Variants in ESRRG observed in about 807,000 individuals in gnomAD.
ESRRG encodes the protein estrogen related receptor gamma.
ESRRG carries 13 observed loss-of-function variants against 44.0 expected under a neutral mutation model. The observed-to-expected ratio is 0.30, with a 90% CI of 0.19 to 0.47. The LOEUF (loss-of-function observed/expected upper bound fraction) is 0.47. Among genes scored for constraint, ESRRG ranks in the 20% least tolerant of loss-of-function variants. The pLI is 1.00. For synonymous variants in ESRRG, 215 were observed against 214.6 expected, an observed-to-expected ratio of 1.00 and a Z score of -0.02; for missense variants, 395 against 580.6, an observed-to-expected ratio of 0.68 and a Z score of 3.29.
At chr1:217,106,903 G>A (rs1580592478) in intron 1 of ESRRG, among the ~76,000 whole-genome samples, 2 of 152,130 alleles carry the variant, frequency 1.3e-5, no homozygotes, top group Non-Finnish European at 2.9e-5. Flanking sequence ...CAAGCTCTGC[G>A]TGTCCATGAT....
intron 2 of ESRRG, among the ~76,000 whole-genome samples, chr1:216,868,207 C>T (rs1056233221): frequency 1.3e-4 from 20 of 150,562 alleles, no homozygotes; most frequent in Non-Finnish European, 1.9e-4. Flanking sequence ...CCTGTCTCAG[C>T]CTCCCAAGTA....
At chr1:217,031,313 A>C in intron 1 of ESRRG, among the ~76,000 whole-genome samples, 1 of 152,174 alleles carries the variant, frequency 6.6e-6, no homozygotes, top group East Asian at 1.9e-4. Context: ...GAAAACATGC[A>C]CTGAGAGAGA....
chr1:216,657,259 A>G (rs981253360), intron 2 of ESRRG, among the ~76,000 whole-genome samples: 25 of 152,220 alleles, frequency 1.6e-4, no homozygotes, highest in African/African-American at 5.3e-4. Context: ...TTAAAAAGTC[A>G]TAATTACATC....
intron 3 of ESRRG, among the ~76,000 whole-genome samples, chr1:216,588,629 A>G (rs1002214905): frequency 1.3e-5 from 2 of 152,284 alleles, no homozygotes; most frequent in East Asian, 1.9e-4. Flanking sequence ...TAGGATTACT[A>G]TCTCTGCTTT....
At chr1:217,119,834 C>G (rs1226862862) in intron 1 of ESRRG, among the ~76,000 whole-genome samples, 4 of 152,330 alleles carry the variant, frequency 2.6e-5, no homozygotes, top group Non-Finnish European at 5.9e-5. Context: ...CCCCAACTTG[C>G]CTTTCCAGTT....
intron 1 of ESRRG, among the ~76,000 whole-genome samples, chr1:217,136,909 A>G (rs2093057767): frequency 6.6e-6 from 1 of 152,124 alleles, no homozygotes; most frequent in Non-Finnish European, 1.5e-5. Flanking sequence ...GGGATTGAGG[A>G]AATTGGAGAT....
intron 5 of ESRRG, among the ~76,000 whole-genome samples, chr1:216,529,901 C>A (rs1017638346): frequency 1.3e-5 from 2 of 151,870 alleles, no homozygotes; most frequent in African/African-American, 4.8e-5. Flanking sequence ...CACTTGAGGT[C>A]AGGAGCTCGA....
At chr1:216,723,098 A>G in intron 1 of ESRRG, 146 bp downstream of exon 1, 1 of 667,066 alleles carries the variant, frequency 1.5e-6, no homozygotes. Flanking sequence ...CCTCAACACA[A>G]AAGACACAAG....
intron 2 of ESRRG, among the ~76,000 whole-genome samples, chr1:216,843,267 A>T (rs1025100808): frequency 7.9e-5 from 12 of 151,934 alleles, no homozygotes; most frequent in Non-Finnish European, 1.6e-4. Flanking sequence ...CTACTACAAC[A>T]TGGCAAGCAG....
At chr1:216,694,843 G>A (rs1177401562) in intron 1 of ESRRG, among the ~76,000 whole-genome samples, 1 of 152,114 alleles carries the variant, frequency 6.6e-6, no homozygotes, top group Non-Finnish European at 1.5e-5. Flanking sequence ...ACAGGCATGA[G>A]CCACTGCACC....
At chr1:216,985,702 C>T (rs1207762288) in intron 1 of ESRRG, 1 of 152,098 alleles carries the variant, frequency 6.6e-6, no homozygotes, top group Non-Finnish European at 1.5e-5. Context: ...TGGTGGGGGA[C>T]AGTCAGGACT....
At chr1:217,115,545 G>A (rs1423097739) in intron 1 of ESRRG, among the ~76,000 whole-genome samples, 6 of 151,994 alleles carry the variant, frequency 3.9e-5, no homozygotes, top group South Asian at 2.1e-4. Context: ...CTGCTTGCTC[G>A]AACATACCAG....
At chr1:216,758,974 C>T (rs1020223067) in intron 2 of ESRRG, among the ~76,000 whole-genome samples, 1 of 151,880 alleles carries the variant, frequency 6.6e-6, no homozygotes, top group Non-Finnish European at 1.5e-5. Context: ...GTAGCTAAGG[C>T]TGAGAGAAGT....
chr1:216,867,207 C>T (rs11572550), intron 2 of ESRRG, among the ~76,000 whole-genome samples: 2 of 152,134 alleles, frequency 1.3e-5, no homozygotes, highest in South Asian at 2.1e-4. Flanking sequence ...ACTTGTCCAA[C>T]ATCTTGTAGA....
chr1:216,668,954 T>G (rs2074564141), intron 2 of ESRRG, among the ~76,000 whole-genome samples: 1 of 152,198 alleles, frequency 6.6e-6, no homozygotes, highest in Non-Finnish European at 1.5e-5. Flanking sequence ...TATAAAAATC[T>G]TTTTCATCAA....
At chr1:216,876,424 C>T (rs1398090701) in intron 2 of ESRRG, among the ~76,000 whole-genome samples, 1 of 152,156 alleles carries the variant, frequency 6.6e-6, no homozygotes, top group Non-Finnish European at 1.5e-5. Context: ...ACCTGCCAAA[C>T]AAGAATCCCC....
chr1:216,656,831 A>G (rs1489335676), intron 2 of ESRRG, among the ~76,000 whole-genome samples: 1 of 152,100 alleles, frequency 6.6e-6, no homozygotes, highest in Non-Finnish European at 1.5e-5. Context: ...ATTTCTCCCA[A>G]TTGTTTTAAT....
At chr1:216,596,061 C>T (rs2058382784) in intron 3 of ESRRG, among the ~76,000 whole-genome samples, 1 of 152,194 alleles carries the variant, frequency 6.6e-6, no homozygotes, top group Non-Finnish European at 1.5e-5. Context: ...TTGCTTCCAA[C>T]TTGAACAAGC....
At chr1:216,765,301 A>G (rs2093018825) in intron 2 of ESRRG, among the ~76,000 whole-genome samples, 1 of 151,914 alleles carries the variant, frequency 6.6e-6, no homozygotes, top group Non-Finnish European at 1.5e-5. Context: ...CAACAATAAT[A>G]ATGATGATAA....
Sources: allele counts gnomAD v4.1 joint callset (sites outside exome capture counted in the v4.1 genomes callset), GRCh38; gene constraint gnomAD v4.1.1; transcripts MANE v1.5; gene names NCBI Gene and HGNC (gene_info 2026-07-23, HGNC 2026-07-21).